Variants in CUZD1 observed in about 807,000 individuals in gnomAD.
The protein encoded by CUZD1 is CUB and zona pellucida-like domain-containing protein 1.
In CUZD1, 42 loss-of-function variants were observed where a neutral mutation model predicts 53.1. That is an observed-to-expected ratio of 0.79 (90% CI 0.62 to 1.02). CUZD1 has a LOEUF of 1.02. CUZD1 is among the 50% of genes least tolerant of loss of function. The pLI is 0.00. For synonymous variants in CUZD1, 238 were observed against 257.2 expected (o/e 0.93, Z 0.71); for missense variants, 670 against 715.7 (o/e 0.94, Z 0.73).
chr10:122,843,984 CTATAGAGAGACTATATA>C (rs1442926033), intron 1 of CUZD1, among the ~76,000 whole-genome samples: 7 of 146,786 alleles, frequency 4.8e-5, no homozygotes, highest in South Asian at 2.1e-4. Flanking sequence ...TATATATAGA[CTATAGAGAGACTATATA>C]TATAGAGAGA....
rs1310283032 is a variant in CUZD1, at chr10:122,836,883, G to C, written c.765C>G (p.Tyr255Ter). ...VVLSTDYANSYRGFSASYTSI... is the reference protein window; with the variant it reads ...VVLSTDYANS Reference sequence around the variant, plus strand: ...AGGTGTAGGAAGCAGAAAATCCCCGGTAAGAATTGGCATAATCTGTAGACA... The same window carrying C: ...AGGTGTAGGAAGCAGAAAATCCCCGCTAAGAATTGGCATAATCTGTAGACA... The change falls in exon 5 of 9, where the codon TAC (tyrosine) becomes TAG (stop). Residue 255 changes from tyrosine (Y) to a stop codon, truncating the protein, a stop_gained. Transcript: ENST00000392790. LOFTEE classifies it high-confidence loss of function. The C allele has an allele frequency of 1.2e-6, 2 of 1,614,076 alleles. No individual in the cohort carries two copies. The highest frequency in any genetic ancestry group is 8.5e-7 in the Non-Finnish European group (1 of 1,179,974).
chr10:122,837,146 T>C lies in CUZD1; in HGVS notation c.600-98A>G. On this transcript the variant is annotated intron_variant, in intron 4 of 8. Transcript: ENST00000392790. Reference sequence around the variant, plus strand: ...CCTACTCTTAAGTGATTATGGATTTTTTTTTTCCTTCAATGGTATCTCAGG... The same window carrying C: ...CCTACTCTTAAGTGATTATGGATTTCTTTTTTCCTTCAATGGTATCTCAGG... The C allele has an allele frequency of 1.9e-6, 2 of 1,045,030 alleles. 1 individual carries two copies. The highest frequency in any genetic ancestry group is 3.4e-5 in the South Asian group (2 of 58,918). The allele number at this position is 1,045,030 out of a possible 1,614,324, so 64.7% of individuals were successfully genotyped here.
rs762424447 is a variant in CUZD1, at chr10:122,834,815, G to C, written c.1273C>G (p.Gln425Glu). 24 of 1,613,668 alleles carry C rather than the reference G, an allele frequency of 1.5e-5. No individual in the cohort carries two copies. In the East Asian group the frequency reaches 5.3e-4, roughly 36 times the overall value. Residue 425 changes from glutamine (Q) to glutamate (E), a missense_variant, in exon 7 of 9, where the codon CAA becomes GAA. Physicochemically the swap from Gln to Glu is conservative, Grantham distance 29. Transcript: ENST00000392790. ...YVDLNQTLFV[Q>E]VSLHTSDPNL... is the part of the protein sequence containing the mutation. ...GGATCTGAGGTGTGCAGACTAACTT[G>C]AACAAAAAGAGTTTGGTTCAAATCC...
At chr10:122,835,243 A>G (rs1026774376) in intron 6 of CUZD1, 146 bp from the exon 7 acceptor site, 103 of 489,928 alleles carry the variant, frequency 2.1e-4, no homozygotes, top group African/African-American at 1.8e-3. Flanking sequence ...TAAACCTTAA[A>G]TGTATTTCAT....
chr10:122,837,832 T>A (rs964550715), intron 3 of CUZD1: 1 of 285,964 alleles, frequency 3.5e-6, no homozygotes, highest in African/African-American at 2.2e-5. Context: ...TTACCTGAAT[T>A]GCGCCATAGA....
chr10:122,844,184 A>G (rs965700425), intron 1 of CUZD1, among the ~76,000 whole-genome samples: 15 of 151,738 alleles, frequency 9.9e-5, no homozygotes, highest in African/African-American at 3.6e-4. Flanking sequence ...ATGTACCACC[A>G]TGCCTGGCTA....
intron 1 of CUZD1, among the ~76,000 whole-genome samples, chr10:122,842,452 C>A (rs1172596123): frequency 6.6e-6 from 1 of 152,128 alleles, no homozygotes; most frequent in Non-Finnish European, 1.5e-5. Flanking sequence ...TATTTCTGAA[C>A]TCTATTCTAT....
At chr10:122,843,746 C>T (rs1187562307) in intron 1 of CUZD1, among the ~76,000 whole-genome samples, 1 of 149,806 alleles carries the variant, frequency 6.7e-6, no homozygotes, top group African/African-American at 2.5e-5. Context: ...GTGCTGGAGA[C>T]ATCAGGAGAA....
chr10:122,843,299 G>T (rs1847372931), intron 1 of CUZD1, among the ~76,000 whole-genome samples: 1 of 152,284 alleles, frequency 6.6e-6, no homozygotes, highest in East Asian at 1.9e-4. Flanking sequence ...GTCCACGAAT[G>T]ATTGGTTCCA....
rs896940943 is a variant in CUZD1 at position 122,841,325 on chromosome 10, T to G, written c.86A>C (p.Asn29Thr). The G allele has an allele frequency of 6.2e-7, 1 of 1,603,126 alleles. No individual in the cohort carries two copies. Among genetic ancestry groups the G allele is most frequent in the Non-Finnish European group, 8.5e-7 (1 of 1,175,376 alleles). Residue 29 changes from asparagine to threonine, a missense_variant, in exon 2 of 9, where the codon AAT becomes ACT. Physicochemically the swap from Asn to Thr is moderately conservative, Grantham distance 65. Coordinates refer to ENST00000392790, the MANE Select transcript of CUZD1 (RefSeq NM_022034.6). ...CCCTAGACTGACTGTGCAGCTTGCA[T>G]TGCCTGTTAGAGATCACAGATGGCA... ...AELTMAEAEG[N>T]ASCTVSLGGA... is the part of the protein sequence containing the mutation.
chr10:122,836,056 G>A (rs1847245225), intron 6 of CUZD1, 122 bp downstream of exon 6: 1 of 780,118 alleles, frequency 1.3e-6, no homozygotes, highest in Non-Finnish European at 2.0e-6. Context: ...TGCTTATCAT[G>A]TGGTTAAGCC....
At position 122,836,264 on chromosome 10, in the gene CUZD1, G is replaced by T; in HGVS notation, c.904C>A (p.Gln302Lys). ...GGTCTGCAAGTTGGGTCTTTTAGTT[G>T]CAAGTTATTCCCATTAGAGTTAAAA... ...EAFNSNGNNL[Q>K]LKDPTCRPKL... Residue 302 changes from glutamine (Q) to lysine (K), a missense_variant, in exon 6 of 9, where the codon CAA (glutamine) becomes AAA (lysine). Gln to Lys is a moderately conservative substitution (Grantham distance 53). Coordinates refer to ENST00000392790, the MANE Select transcript of CUZD1 (RefSeq NM_022034.6). The T allele has an allele frequency of 6.2e-7, 1 of 1,612,032 alleles. No homozygotes were observed. Among genetic ancestry groups the T allele is most frequent in the Non-Finnish European group, 8.5e-7 (1 of 1,179,248 alleles).
chr10:122,841,342 C>G lies in CUZD1; in HGVS notation c.83-14G>C. 2.5e-6 allele frequency: 4 copies of G among 1,579,430 alleles called. No homozygotes were observed. Among genetic ancestry groups the G allele is most frequent in the Non-Finnish European group, 2.6e-6 (3 of 1,163,656 alleles). ...AGCTTGCATTGCCTGTTAGAGATCA[C>G]AGATGGCACTCAGGAAAGTCAACAG... On this transcript the variant is annotated splice_polypyrimidine_tract_variant and intron_variant, in intron 1 of 8. Transcript: ENST00000392790.
chr10:122,839,300 G>T, intron 2 of CUZD1, 69 bp from the exon 3 acceptor site: 5 of 1,319,426 alleles, frequency 3.8e-6, no homozygotes, highest in Non-Finnish European at 5.4e-6. Flanking sequence ...GCAGTCAATT[G>T]CTCACCTAGG....
In CUZD1 at chr10:122,841,149, C is replaced by A. The variant is rs112767873; in HGVS notation, c.233+29G>T. The stretch of plus-strand genomic sequence containing the variant: ...CCAATGTGGTCAGAGTTCGATATCC[C>A]TTATTAGGAAACTAAAGCTTCTACT... On this transcript the variant is annotated intron_variant, in intron 2 of 8. Coordinates refer to ENST00000392790, the MANE Select transcript of CUZD1 (RefSeq NM_022034.6). 3,334 of 1,595,716 alleles carry A rather than the reference C, an allele frequency of 2.1e-3. 54 individuals are homozygous for A. In the East Asian group the frequency reaches 0.042, roughly 20 times the overall value.
Position 122,832,339 on chromosome 10 carries a change from G to A in CUZD1, c.1763C>T (p.Thr588Ile). 1 of 1,614,130 alleles carries A rather than the reference G, an allele frequency of 6.2e-7. No individual in the cohort carries two copies. Among genetic ancestry groups the A allele is most frequent in the Non-Finnish European group, 8.5e-7 (1 of 1,179,994 alleles). The part of the protein sequence containing the change: ...ALNVVTVATI[T>I]VRHFVNQRAD... ...CCGTTGATTTACAAAATGCCTCACT[G>A]TGATTGTCGCTACAGTCACCACATT... The change falls in exon 9 of 9, where the codon ACA becomes ATA. Residue 588 changes from threonine to isoleucine, a missense_variant. Physicochemically the swap from Thr to Ile is moderately conservative, Grantham distance 89. Coordinates refer to ENST00000392790, the MANE Select transcript of CUZD1 (RefSeq NM_022034.6).
chr10:122,832,550 T>C (rs1206808909), intron 8 of CUZD1, 100 bp from the exon 9 acceptor site: 8 of 940,930 alleles, frequency 8.5e-6, no homozygotes, highest in Non-Finnish European at 1.3e-5. Context: ...ATGAATCTTA[T>C]ATATGAATTA....
In CUZD1 at chr10:122,836,313, A is replaced by G. The variant is rs1445735938; in HGVS notation, c.855T>C (p.Ile285=). 6.2e-7 allele frequency: 1 copy of G among 1,604,708 alleles called. No homozygotes were observed. The highest frequency in any genetic ancestry group is 8.5e-7 in the Non-Finnish European group (1 of 1,177,122). The change falls in exon 6 of 9, where the codon ATT becomes ATC. Residue 285 remains isoleucine, a synonymous_variant. Transcript: ENST00000392790. ...AAGCCTCTAGGTAGGATTTGCTTAT[A>G]ATAACTCTCATCCTGTCAGAAGAGC... ...LTCSSDRMRV[I]ISKSYLEAFN...
chr10:122,836,448 T>C, intron 5 of CUZD1, 98 bp from the exon 6 acceptor site: 1 of 1,084,140 alleles, frequency 9.2e-7, no homozygotes, highest in South Asian at 1.8e-5. Flanking sequence ...ATATAAAAAG[T>C]CAAAACCATT....
Sources: gnomAD v4.1 joint callset for allele counts (sites outside exome capture counted in the v4.1 genomes callset) on GRCh38, gnomAD v4.1.1 for gene constraint, MANE v1.5 for transcripts, NCBI Gene and HGNC (gene_info 2026-07-23, HGNC 2026-07-21) for gene names.